The following PLEKHM1 variants were observed in gnomAD, a reference collection of about 807,000 sequenced individuals.
PLEKHM1 encodes the protein pleckstrin homology domain-containing family M member 1.
PLEKHM1 carries 28 observed loss-of-function variants against 94.3 expected under a neutral mutation model. That is an observed-to-expected ratio of 0.30 (90% CI 0.22 to 0.41). The LOEUF (loss-of-function observed/expected upper bound fraction) is 0.41. Ranked by LOEUF, PLEKHM1 falls within the 10% of genes least tolerant of loss-of-function variation. PLEKHM1 has a pLI of 1.00. For synonymous variants in PLEKHM1, 424 were observed against 581.2 expected, an observed-to-expected ratio of 0.73 and a Z score of 3.89; for missense variants, 907 against 1,358.6, an observed-to-expected ratio of 0.67 and a Z score of 5.22.
intron 1 of PLEKHM1, among the ~76,000 whole-genome samples, chr17:45,485,810 C>T (rs1398966827): frequency 6.6e-6 from 1 of 151,962 alleles, no homozygotes; most frequent in Non-Finnish European, 1.5e-5. Context: ...TACCAGCTAC[C>T]ATACCGGCTG....
chr17:45,469,226 G>C (rs574911681), intron 4 of PLEKHM1, among the ~76,000 whole-genome samples: 41 of 152,258 alleles, frequency 2.7e-4, no homozygotes, highest in African/African-American at 8.9e-4. Flanking sequence ...GTGTGTGAGG[G>C]TGGATATGAG....
chr17:45,480,128 A>T (rs1011067272), intron 2 of PLEKHM1, among the ~76,000 whole-genome samples: 3 of 152,218 alleles, frequency 2.0e-5, no homozygotes, highest in African/African-American at 7.2e-5. Flanking sequence ...TTTAAAGTAT[A>T]CAGTTCAATT....
At chr17:45,475,021 C>T in intron 4 of PLEKHM1, 79 bp downstream of exon 4, 1 of 1,463,590 alleles carries the variant, frequency 6.8e-7, no homozygotes, top group Non-Finnish European at 9.5e-7. Flanking sequence ...CAATCACATG[C>T]TATGGGAAGA....
intron 8 of PLEKHM1, among the ~76,000 whole-genome samples, chr17:45,447,349 T>A (rs555433013): frequency 1.3e-5 from 2 of 152,370 alleles, no homozygotes; most frequent in South Asian, 4.1e-4. Context: ...GACAGCCCAA[T>A]GGCAAACTCC....
At chr17:45,465,505 T>C (rs1409670714) in intron 5 of PLEKHM1, among the ~76,000 whole-genome samples, 1 of 151,850 alleles carries the variant, frequency 6.6e-6, no homozygotes, top group African/African-American at 2.4e-5. Context: ...GGCCAGGAGT[T>C]TGAGACCAGC....
chr17:45,490,203 A>G (rs1364740134), intron 1 of PLEKHM1, among the ~76,000 whole-genome samples: 1 of 151,628 alleles, frequency 6.6e-6, no homozygotes, highest in Non-Finnish European at 1.5e-5. Context: ...GGTGACTGGG[A>G]TAAGAAAGCT....
intron 5 of PLEKHM1, among the ~76,000 whole-genome samples, chr17:45,465,507 G>C (rs1227069055): frequency 3.9e-5 from 6 of 151,962 alleles, no homozygotes; most frequent in African/African-American, 1.4e-4. Flanking sequence ...CCAGGAGTTT[G>C]AGACCAGCCT....
intron 8 of PLEKHM1, chr17:45,446,017 T>TG: frequency 2.4e-6 from 1 of 415,588 alleles, no homozygotes; most frequent in Non-Finnish European, 4.4e-6. Flanking sequence ...CCAGCCCCTA[T>TG]TTCCCCCCAC....
At chr17:45,435,753 C>T (rs1231550621), downstream of PLEKHM1, 1 of 348,718 alleles carries the variant, frequency 2.9e-6, no homozygotes, top group East Asian at 7.5e-5. Context: ...TGCAAGCCCT[C>T]TGCCTACAAG....
chr17:45,437,888 GC>G lies in PLEKHM1; in HGVS notation c.3140del (p.Arg1047ProfsTer19). The G allele has an allele frequency of 6.2e-7, 1 of 1,613,966 alleles. No homozygotes were observed. Among genetic ancestry groups the G allele is most frequent in the Non-Finnish European group, 8.5e-7 (1 of 1,180,004 alleles). On this transcript the variant is annotated frameshift_variant, in exon 12 of 12. Coordinates refer to ENST00000430334, the MANE Select transcript of PLEKHM1 (RefSeq NM_014798.3). LOFTEE classifies it high-confidence loss of function. This position sits in a 1 kb window ranked among gnomAD's most constrained non-coding sequence, Gnocchi z 4.0. ...KKGCPRCARR[R>X]KYQEQNIFA ...CGAAAATGTTCTGTTCCTGGTACTTGCGCCGGCGGGCACAGCGGGGGCAGCC... is the reference window on the plus strand; with the variant it reads ...CGAAAATGTTCTGTTCCTGGTACTTGGCCGGCGGGCACAGCGGGGGCAGCC...
chr17:45,481,073 C>T (rs944876756), intron 2 of PLEKHM1, among the ~76,000 whole-genome samples: 1 of 152,126 alleles, frequency 6.6e-6, no homozygotes, highest in Admixed American at 6.5e-5. Context: ...TTTGCCAGCA[C>T]TAGTTATTGC....
rs1012309524 is a variant in PLEKHM1, at chr17:45,436,224, G to A, written c.*1634C>T. On this transcript the variant is annotated 3_prime_UTR_variant, in exon 12 of 12. Transcript: ENST00000430334. ...GCCAGGCTCCTGCCCACTCAGGGAT[G>A]GGGCAATGAGGGCTCTGACTAGGCT... The A allele has an allele frequency of 6.4e-5, 29 of 454,220 alleles. No homozygotes were observed. Among genetic ancestry groups the A allele is most frequent in the African/African-American group, 3.6e-4 (18 of 50,026 alleles). 28.1% of individuals were successfully genotyped at this position (454,220 alleles called of 1,614,324 possible).
rs35489312 is a variant in PLEKHM1 at position 45,439,886 on chromosome 17, T to C, written c.2902-252A>G. The C allele has an allele frequency of 0.14, 89,624 of 647,110 alleles. 7,763 individuals carry two copies. The highest frequency in any genetic ancestry group is 0.2 in the Middle Eastern group (489 of 2,440). The allele number at this position is 647,110 out of a possible 1,614,324, so 40.1% of individuals were successfully genotyped here. On this transcript the variant is annotated intron_variant, in intron 10 of 11. Transcript: ENST00000430334. Reference sequence around the variant, plus strand: ...TGGGATTTATAGCTGAGACCCAAATTCACTGTACCCTCCCCTTGGGGAAAG... The same window carrying C: ...TGGGATTTATAGCTGAGACCCAAATCCACTGTACCCTCCCCTTGGGGAAAG...
At chr17:45,448,260 GTAGT>G (rs1012681475) in intron 8 of PLEKHM1, 9 of 152,220 alleles carry the variant, frequency 5.9e-5, no homozygotes, top group Non-Finnish European at 1.0e-4. Flanking sequence ...TTTCCTCTAT[GTAGT>G]TAGTTAAATA....
chr17:45,465,715 A>AT (rs1255612914), intron 5 of PLEKHM1, among the ~76,000 whole-genome samples: 108 of 114,232 alleles, frequency 9.5e-4, no homozygotes, highest in Middle Eastern at 3.9e-3. Flanking sequence ...GCCTCAAAAA[A>AT]ATTTTTTTTT....
rs2050871208 is a variant in PLEKHM1, at chr17:45,454,134, C to T, written c.1718G>A (p.Cys573Tyr). The T allele has an allele frequency of 1.9e-6, 3 of 1,614,156 alleles. No individual in the cohort carries two copies. The highest frequency in any genetic ancestry group is 2.2e-5 in the South Asian group (2 of 91,090). The change falls in exon 7 of 12, where the codon TGT becomes TAT. Residue 573 changes from cysteine to tyrosine, a missense_variant. Around this residue, in one of 3 missense-constraint regions of PLEKHM1, gnomAD observed 477 missense variants for 601.5 expected, o/e 0.79. Transcript: ENST00000430334. ...RLYLSNEEHT[C>Y]VENCSLLRCE... ...GCGAAGCAGCGAGCAGTTCTCCACA[C>T]AGGTGTGCTCCTCGTTGCTCAGGTA...
At position 45,444,852 on chromosome 17, in the gene PLEKHM1, G is replaced by A. The variant is rs1160865137; in HGVS notation, c.2837+618C>T. 6.6e-6 allele frequency among the ~76,000 whole-genome samples: 1 copy of A among 151,824 alleles called. No individual in the cohort carries two copies. The highest frequency in any genetic ancestry group is 6.6e-5 in the Admixed American group (1 of 15,242). On this transcript the variant is annotated intron_variant, in intron 9 of 11. Coordinates refer to ENST00000430334, the MANE Select transcript of PLEKHM1 (RefSeq NM_014798.3). The surrounding 1 kb of genome is among the most constrained non-coding windows in gnomAD (Gnocchi z 5.0). Reference sequence around the variant, plus strand: ...TGTCAAGCCTCTGTGGTTCCAGGACGTCCTGCCTCTCACCCTCACCCCCAG... The same window carrying A: ...TGTCAAGCCTCTGTGGTTCCAGGACATCCTGCCTCTCACCCTCACCCCCAG...
intron 9 of PLEKHM1, among the ~76,000 whole-genome samples, chr17:45,442,594 G>A (rs1174881798): frequency 3.3e-5 from 5 of 152,116 alleles, no homozygotes; most frequent in Non-Finnish European, 7.4e-5. Flanking sequence ...TAGTAGAGAC[G>A]GGGTTTCACT....
chr17:45,453,904 C>A lies in PLEKHM1; in HGVS notation c.1948G>T (p.Ala650Ser). The A allele has an allele frequency of 6.2e-7, 1 of 1,613,818 alleles. No individual in the cohort carries two copies. The highest frequency in any genetic ancestry group is 1.1e-5 in the South Asian group (1 of 91,068). ...YPDQPEEPPE[A>S]PQGCLSPSDL... ...GAGGGAGAGAGGCAGCCCTGGGGCG[C>A]CTCGGGGGGTTCCTCAGGCTGGTCT... Residue 650 changes from alanine (A) to serine (S), a missense_variant, in exon 7 of 12, where the codon GCG becomes TCG. Coordinates refer to ENST00000430334, the MANE Select transcript of PLEKHM1 (RefSeq NM_014798.3). This position sits in a 1 kb window ranked among gnomAD's most constrained non-coding sequence, Gnocchi z 4.1.
Sources: gnomAD v4.1 joint callset for allele counts (sites outside exome capture counted in the v4.1 genomes callset) on GRCh38, gnomAD v4.1.1 for gene constraint, gnomAD v4.1.1 regional missense constraint, Gnocchi (gnomAD v3.1) non-coding constraint, MANE v1.5 for transcripts, NCBI Gene and HGNC (gene_info 2026-07-23, HGNC 2026-07-21) for gene names.